LRMDA: variants seen among roughly 807,000 people sequenced by gnomAD.
LRMDA encodes the protein leucine rich melanocyte differentiation associated, also known as leucine-rich melanocyte differentiation-associated protein.
A neutral mutation model predicts 29.8 loss-of-function variants in LRMDA; 18 were observed. The ratio of observed to expected loss-of-function variants is 0.60; its 90% CI spans 0.42 to 0.90. The LOEUF (loss-of-function observed/expected upper bound fraction) is 0.90, where lower values mean the gene tolerates loss of function less well. Among genes scored for constraint, LRMDA ranks in the 40% least tolerant of loss-of-function variants. The pLI is 0.00. For synonymous variants in LRMDA, 125 were observed against 109.4 expected (o/e 1.14, Z -0.89); for missense variants, 273 against 273.9 (o/e 1.00, Z 0.02).
chr10:75,771,464 C>T (rs1300302672), intron 2 of LRMDA, among the ~76,000 whole-genome samples: 1 of 152,098 alleles, frequency 6.6e-6, no homozygotes, highest in East Asian at 1.9e-4. Context: ...CGAGAGAGGG[C>T]ACTGCCCTTG....
chr10:75,991,601 G>A (rs1847370741), intron 2 of LRMDA, among the ~76,000 whole-genome samples: 2 of 152,176 alleles, frequency 1.3e-5, no homozygotes, highest in Admixed American at 6.5e-5. Flanking sequence ...TAGAAGTGCT[G>A]AATTGAGAAA....
chr10:76,244,549 T>C (rs1852338514), intron 5 of LRMDA, among the ~76,000 whole-genome samples: 1 of 152,052 alleles, frequency 6.6e-6, no homozygotes, highest in Admixed American at 6.6e-5. Context: ...TGCAGCCCTA[T>C]AGAGAAGCAG....
chr10:76,545,177 T>G (rs576040508), intron 6 of LRMDA, among the ~76,000 whole-genome samples: 1 of 25,286 alleles, frequency 4.0e-5, no homozygotes, highest in East Asian at 2.8e-4. Flanking sequence ...TTGTTTTTTA[T>G]TTTGTTTTTT....
chr10:75,729,498 A>T (rs1400501254), intron 2 of LRMDA, among the ~76,000 whole-genome samples: 1 of 152,208 alleles, frequency 6.6e-6, no homozygotes, highest in Non-Finnish European at 1.5e-5. Context: ...TCTTTAAGCT[A>T]GTAGATTCTA....
chr10:75,681,492 C>T (rs1041607387), intron 2 of LRMDA, among the ~76,000 whole-genome samples: 3 of 152,170 alleles, frequency 2.0e-5, no homozygotes, highest in Non-Finnish European at 4.4e-5. Flanking sequence ...GCAGGACAGC[C>T]AGCCTTGATG....
chr10:76,551,907 G>A (rs553951832), intron 6 of LRMDA, among the ~76,000 whole-genome samples: 7 of 152,228 alleles, frequency 4.6e-5, no homozygotes, highest in African/African-American at 1.2e-4. Context: ...TAGTTCCTTC[G>A]TTTCTCATAC....
chr10:76,360,392 T>C (rs186493463), intron 6 of LRMDA, among the ~76,000 whole-genome samples: 2 of 152,286 alleles, frequency 1.3e-5, no homozygotes, highest in East Asian at 1.9e-4. Context: ...GGCTTCTCTT[T>C]AGCTCATCTA....
chr10:75,968,242 C>T (rs993975443), intron 2 of LRMDA, among the ~76,000 whole-genome samples: 1 of 151,994 alleles, frequency 6.6e-6, no homozygotes, highest in African/African-American at 2.4e-5. Flanking sequence ...ACAGAGGGAC[C>T]CTTCCGGAGG....
intron 6 of LRMDA, among the ~76,000 whole-genome samples, chr10:76,466,721 G>A (rs1842568217): frequency 1.3e-5 from 2 of 152,190 alleles, no homozygotes; most frequent in African/African-American, 4.8e-5. Flanking sequence ...GAGCCTGGGA[G>A]TTCGAGACTG....
chr10:75,891,616 G>T (rs1157068619), intron 2 of LRMDA, among the ~76,000 whole-genome samples: 6 of 152,184 alleles, frequency 3.9e-5, no homozygotes, highest in African/African-American at 1.4e-4. Flanking sequence ...TATTAGAGGG[G>T]AAGCCATTGA....
intron 2 of LRMDA, among the ~76,000 whole-genome samples, chr10:75,636,292 A>AT (rs1386877733): frequency 2.0e-5 from 3 of 152,228 alleles, no homozygotes; most frequent in Non-Finnish European, 4.4e-5. Flanking sequence ...CCTTGAACAA[A>AT]TTACCTAGCC....
At chr10:75,560,613 G>A (rs943908169) in intron 2 of LRMDA, among the ~76,000 whole-genome samples, 5 of 151,252 alleles carry the variant, frequency 3.3e-5, no homozygotes, top group Non-Finnish European at 5.9e-5. Flanking sequence ...TCTTGTGCCA[G>A]TTTTCAAAGG....
intron 2 of LRMDA, among the ~76,000 whole-genome samples, chr10:75,913,871 A>C (rs11816174): frequency 6.6e-6 from 1 of 151,984 alleles, no homozygotes; most frequent in African/African-American, 2.4e-5. Flanking sequence ...GCAGGCTCCC[A>C]TTTGCTTATT....
chr10:76,047,090 C>T (rs540083716), intron 3 of LRMDA, 74 bp from the exon 4 acceptor site: 355 of 1,540,732 alleles, frequency 2.3e-4, no homozygotes, highest in Admixed American at 4.0e-4. Flanking sequence ...GACTCATCAG[C>T]GCCTGTCAGT....
chr10:76,555,522 T>G (rs1313482422), intron 6 of LRMDA, among the ~76,000 whole-genome samples: 2 of 152,182 alleles, frequency 1.3e-5, no homozygotes, highest in Non-Finnish European at 2.9e-5. Context: ...CTCTCTCCAT[T>G]GCCAACTCTG....
chr10:75,514,905 G>GGTCA (rs1845272339), intron 2 of LRMDA, among the ~76,000 whole-genome samples: 1 of 152,058 alleles, frequency 6.6e-6, no homozygotes. Context: ...GTGCCTGAAA[G>GGTCA]GAGTCTCGGT....
rs987323191 is a variant in LRMDA, at chr10:75,559,266, A to G, written c.131+120772A>G. Reference sequence around the variant, plus strand: ...GTATCTCATTGTGGTTTTGATTTGCATTTCTCTGATGGCCAGTGATGGTGA... The same window carrying G: ...GTATCTCATTGTGGTTTTGATTTGCGTTTCTCTGATGGCCAGTGATGGTGA... On this transcript the variant is annotated intron_variant, in intron 2 of 6. Transcript: ENST00000611255. 5.3e-5 allele frequency among the ~76,000 whole-genome samples: 8 copies of G among 150,898 alleles called. No homozygotes were observed. The East Asian group carries it at 1.6e-3, about 30-fold the overall frequency.
At chr10:76,349,484 T>C (rs1473506093) in intron 6 of LRMDA, among the ~76,000 whole-genome samples, 1 of 152,072 alleles carries the variant, frequency 6.6e-6, no homozygotes, top group Non-Finnish European at 1.5e-5. Context: ...ATTATATATA[T>C]TTACCTAGTA....
intron 2 of LRMDA, among the ~76,000 whole-genome samples, chr10:75,499,717 G>A (rs1845090884): frequency 6.6e-6 from 1 of 152,202 alleles, no homozygotes; most frequent in African/African-American, 2.4e-5. Context: ...CTCTGACACA[G>A]TGTGTGGGGA....
Sources: allele counts gnomAD v4.1 joint callset (sites outside exome capture counted in the v4.1 genomes callset), GRCh38; gene constraint gnomAD v4.1.1; transcripts MANE v1.5; gene names NCBI Gene and HGNC (gene_info 2026-07-23, HGNC 2026-07-21).